Variants in DEAF1 observed in about 807,000 individuals in gnomAD.
DEAF1 encodes the protein deformed epidermal autoregulatory factor 1 homolog.
DEAF1 carries 53 observed loss-of-function variants against 58.9 expected under a neutral mutation model. That is an observed-to-expected ratio of 0.90 (90% CI 0.72 to 1.13). DEAF1 has a LOEUF of 1.13. DEAF1 is among the 50% of genes most tolerant of loss of function. DEAF1 has a pLI of 0.00. For missense variants in DEAF1, 685 were observed against 791.4 expected, an observed-to-expected ratio of 0.87 and a Z score of 1.61; for synonymous variants, 385 against 340.4, an observed-to-expected ratio of 1.13 and a Z score of -1.44.
intron 10 of DEAF1, among the ~76,000 whole-genome samples, chr11:660,959 G>A (rs1859295869): frequency 6.6e-6 from 1 of 152,240 alleles, no homozygotes; most frequent in Non-Finnish European, 1.5e-5. Context: ...CAGATCCCCA[G>A]GCACGGAGGC....
upstream of DEAF1, chr11:700,164 T>G: frequency 6.2e-7 from 1 of 1,614,168 alleles, no homozygotes; most frequent in Non-Finnish European, 8.5e-7. Context: ...CCCCTTCAAA[T>G]GCTGTTTTAT....
intron 10 of DEAF1, among the ~76,000 whole-genome samples, chr11:662,433 T>G (rs920369982): frequency 6.6e-6 from 1 of 152,176 alleles, no homozygotes; most frequent in African/African-American, 2.4e-5. Flanking sequence ...GAAACTCATT[T>G]TCATCCTACT....
Position 674,407 on chromosome 11 carries a change from T to A in DEAF1, c.1503+129A>T, listed in dbSNP as rs2133364335. On this transcript the variant is annotated intron_variant, in intron 10 of 11. Coordinates refer to ENST00000382409, the MANE Select transcript of DEAF1 (RefSeq NM_021008.4). ...TCATTTGTAAATGACTCTCCACAGC[T>A]CCCTTTTCCAGAAAGGTGGGGCAGG... The A allele has an allele frequency of 2.4e-6, 3 of 1,264,342 alleles. No homozygotes were observed. The East Asian group carries it at 7.0e-5, about 29-fold the overall frequency. The allele number at this position is 1,264,342 out of a possible 1,614,324, so 78.3% of individuals were successfully genotyped here.
chr11:650,373 C>CAAAAAAAAA (rs796351710), intron 11 of DEAF1, among the ~76,000 whole-genome samples: 2 of 22,250 alleles, frequency 9.0e-5, no homozygotes, highest in Admixed American at 5.4e-4. Context: ...CAGTCCGTCT[C>CAAAAAAAAA]AAAAAAAAAA....
At chr11:698,046 CT>C (rs1257583776), upstream of DEAF1, 4 of 152,302 alleles carry the variant, frequency 2.6e-5, no homozygotes, top group Non-Finnish European at 5.9e-5. Flanking sequence ...GCTGTCCTGC[CT>C]GCCGCCCAGC....
intron 11 of DEAF1, among the ~76,000 whole-genome samples, chr11:652,716 GAAAC>G (rs1858834767): frequency 6.6e-6 from 1 of 151,922 alleles, no homozygotes; most frequent in Admixed American, 6.6e-5. Flanking sequence ...ACACCAACAT[GAAAC>G]AAAGACATCA....
At chr11:686,781 C>G (rs1312169643) in intron 5 of DEAF1, 77 bp downstream of exon 5, 1 of 1,600,220 alleles carries the variant, frequency 6.2e-7, no homozygotes, top group African/African-American at 1.3e-5. Context: ...GGTCTGTGCC[C>G]TCCCTCTGGC....
exon 1 of DEAF1, chr11:706,661 G>C (rs1486024975): frequency 2.6e-5 from 4 of 152,648 alleles, no homozygotes; most frequent in Non-Finnish European, 4.4e-5. Context: ...GCTTCTCCCG[G>C]TTCTGTGAGC....
chr11:682,510 T>G (rs1402270139), intron 6 of DEAF1, among the ~76,000 whole-genome samples: 1 of 152,224 alleles, frequency 6.6e-6, no homozygotes. Context: ...CCATACTGTT[T>G]CAAATCAAGT....
chr11:681,712 C>T (rs922813858), intron 6 of DEAF1, among the ~76,000 whole-genome samples: 1 of 149,644 alleles, frequency 6.7e-6, no homozygotes, highest in African/African-American at 2.5e-5. Context: ...GCCCGGCCGA[C>T]TTTTTTTTTT....
chr11:678,374 G>A (rs1860174957), intron 9 of DEAF1: 3 of 372,456 alleles, frequency 8.1e-6, no homozygotes, highest in Non-Finnish European at 1.6e-5. Flanking sequence ...CCACTGGGGA[G>A]TGTCTACCCT....
intron 1 of DEAF1, chr11:704,397 C>G (rs1181077632): frequency 8.2e-7 from 1 of 1,216,814 alleles, no homozygotes; most frequent in African/African-American, 1.6e-5. Flanking sequence ...TGGGAGCACC[C>G]AGTTGTCCTG....
At chr11:689,415 G>C (rs1860739219) in intron 2 of DEAF1, among the ~76,000 whole-genome samples, 3 of 151,566 alleles carry the variant, frequency 2.0e-5, no homozygotes, top group African/African-American at 7.3e-5. Flanking sequence ...GTTTCACCGT[G>C]TTAGCCAGGA....
intron 1 of DEAF1, chr11:703,874 G>A (rs1347776983): frequency 6.5e-6 from 8 of 1,236,404 alleles, no homozygotes; most frequent in South Asian, 4.1e-5. Context: ...GGCCACATTC[G>A]GAGCCTCCGT....
chr11:691,469 C>T (rs368618561), intron 2 of DEAF1, 32 bp downstream of exon 2: 9 of 1,603,858 alleles, frequency 5.6e-6, no homozygotes, highest in East Asian at 2.2e-5. Flanking sequence ...TGGCACCACC[C>T]GCCCTGGGCT....
chr11:661,555 C>G (rs1436596930), intron 10 of DEAF1, among the ~76,000 whole-genome samples: 1 of 151,920 alleles, frequency 6.6e-6, no homozygotes, highest in Non-Finnish European at 1.5e-5. Context: ...ACTAAAAATA[C>G]AAAAATTAGC....
chr11:654,729 TGTG>T (rs895112163), intron 10 of DEAF1: 3 of 423,282 alleles, frequency 7.1e-6, no homozygotes, highest in African/African-American at 4.1e-5. Flanking sequence ...ATTAGCTGGG[TGTG>T]GTGGTGGCCA....
chr11:652,404 G>A (rs567585204), intron 11 of DEAF1, among the ~76,000 whole-genome samples: 75 of 152,222 alleles, frequency 4.9e-4, no homozygotes, highest in African/African-American at 1.7e-3. Flanking sequence ...TTGGGAGGCC[G>A]AGGCAGGCAG....
chr11:655,296 G>A (rs1048752969), intron 10 of DEAF1, among the ~76,000 whole-genome samples: 2 of 152,104 alleles, frequency 1.3e-5, no homozygotes, highest in East Asian at 3.9e-4. Context: ...TGGTTTCTGT[G>A]GTGGATTGAA....
Sources: allele counts gnomAD v4.1 joint callset (sites outside exome capture counted in the v4.1 genomes callset), GRCh38; gene constraint gnomAD v4.1.1; transcripts MANE v1.5; gene names NCBI Gene and HGNC (gene_info 2026-07-23, HGNC 2026-07-21).